GTF2IRD1: variants seen among roughly 807,000 people sequenced by gnomAD.
The protein encoded by GTF2IRD1 is general transcription factor II-I repeat domain-containing protein 1.
GTF2IRD1 carries 26 observed loss-of-function variants against 113.2 expected under a neutral mutation model. The observed-to-expected ratio is 0.23, with a 90% confidence interval of 0.17 to 0.32. GTF2IRD1 has a LOEUF of 0.32. Among genes scored for constraint, GTF2IRD1 ranks in the 10% least tolerant of loss-of-function variants. The pLI is 1.00. For synonymous variants in GTF2IRD1, 484 were observed against 529.1 expected (o/e 0.91, Z 1.17); for missense variants, 864 against 1,280.8 (o/e 0.67, Z 4.97).
chr7:74,471,309 G>T (rs534656788), intron 1 of GTF2IRD1, among the ~76,000 whole-genome samples: 101 of 152,274 alleles, frequency 6.6e-4, no homozygotes, highest in African/African-American at 2.3e-3. Context: ...ACTGAGGCAG[G>T]AGGATCGCTT....
intron 1 of GTF2IRD1, among the ~76,000 whole-genome samples, chr7:74,459,216 T>TAA (rs1554328355): frequency 8.6e-5 from 13 of 152,016 alleles, no homozygotes; most frequent in Admixed American, 6.6e-4. Context: ...ACTTTGCACT[T>TAA]CGGGAGACCG....
intron 1 of GTF2IRD1, among the ~76,000 whole-genome samples, chr7:74,457,301 C>T (rs1210714770): frequency 1.1e-4 from 16 of 152,152 alleles, no homozygotes; most frequent in African/African-American, 3.9e-4. Context: ...ACATCCTTTC[C>T]TTCCTTTGTC....
intron 22 of GTF2IRD1, among the ~76,000 whole-genome samples, chr7:74,568,337 T>TAAAAAAAAAAA (rs782743930): frequency 2.2e-5 from 2 of 91,972 alleles, no homozygotes; most frequent in Non-Finnish European, 3.9e-5. Flanking sequence ...CATCTCTATT[T>TAAAAAAAAAAA]AAAAAAAAAA....
At chr7:74,529,622 A>G in intron 8 of GTF2IRD1, 112 bp from the exon 9 acceptor site, 1 of 773,802 alleles carries the variant, frequency 1.3e-6, no homozygotes, top group Non-Finnish European at 2.1e-6. Flanking sequence ...TGGCCGCTAC[A>G]TGGCCAGAGT....
At chr7:74,536,043 C>T (rs587671971) in intron 10 of GTF2IRD1, 124 bp from the exon 11 acceptor site, 3 of 631,634 alleles carry the variant, frequency 4.7e-6, no homozygotes, top group Non-Finnish European at 5.7e-6. Flanking sequence ...CCCACAAGGA[C>T]AGGCAGAGGC....
At chr7:74,580,905 G>A (rs1353355881) in intron 22 of GTF2IRD1, among the ~76,000 whole-genome samples, 2 of 152,196 alleles carry the variant, frequency 1.3e-5, no homozygotes. Flanking sequence ...ACTCTGAAAT[G>A]TTTGCAACTG....
chr7:74,587,392 C>T (rs778717626), intron 22 of GTF2IRD1, among the ~76,000 whole-genome samples: 109 of 152,022 alleles, frequency 7.2e-4, no homozygotes, highest in Non-Finnish European at 1.4e-3. Flanking sequence ...TGCAGCGAAC[C>T]GAGACCGTGC....
intron 22 of GTF2IRD1, among the ~76,000 whole-genome samples, chr7:74,566,583 C>T (rs1800332152): frequency 6.6e-6 from 1 of 152,194 alleles, no homozygotes; most frequent in Admixed American, 6.5e-5. Flanking sequence ...CTCAGGCGAT[C>T]CACCCGCCTC....
At chr7:74,484,511 C>T (rs1463258961) in intron 1 of GTF2IRD1, among the ~76,000 whole-genome samples, 2 of 146,580 alleles carry the variant, frequency 1.4e-5, no homozygotes, top group African/African-American at 5.1e-5. Context: ...CAGGCTGGAG[C>T]GAAGTGGTGC....
chr7:74,556,127 C>T (rs1276665269), intron 19 of GTF2IRD1, among the ~76,000 whole-genome samples: 2 of 151,820 alleles, frequency 1.3e-5, no homozygotes, highest in Non-Finnish European at 2.9e-5. Flanking sequence ...TGGCGTGCAC[C>T]TGTGATCCCA....
At chr7:74,464,041 A>AGAGTTACCT in intron 1 of GTF2IRD1, among the ~76,000 whole-genome samples, 1 of 152,132 alleles carries the variant, frequency 6.6e-6, no homozygotes, top group African/African-American at 2.4e-5. Flanking sequence ...CACTTTTACC[A>AGAGTTACCT]GAGTTACCTG....
At chr7:74,528,577 G>A (rs954929260) in intron 8 of GTF2IRD1, among the ~76,000 whole-genome samples, 1 of 150,736 alleles carries the variant, frequency 6.6e-6, no homozygotes, top group African/African-American at 2.4e-5. Context: ...AGTGTCAGGT[G>A]ATGACCAGTG....
rs1027801877 is a variant in GTF2IRD1 at position 74,523,579 on chromosome 7, G to A, written c.1007-492G>A. Among the ~76,000 whole-genome samples, 28 of 152,154 alleles carry A rather than the reference G, an allele frequency of 1.8e-4. 1 individual carries two copies. Among genetic ancestry groups the A allele is most frequent in the Non-Finnish European group, 8.8e-5 (6 of 68,030 alleles). On this transcript the variant is annotated intron_variant, in intron 7 of 26. Coordinates refer to ENST00000424337, the MANE Select transcript of GTF2IRD1 (RefSeq NM_005685.4). ...TACTAAAAATACAAAAATAAGCCAG[G>A]TGTGGTGGCAGGTGCCCTGTAATCC... is the stretch of plus-strand genomic sequence containing the variant.
intron 9 of GTF2IRD1, among the ~76,000 whole-genome samples, chr7:74,533,944 G>C (rs115305812): frequency 2.0e-5 from 3 of 151,662 alleles, no homozygotes; most frequent in Non-Finnish European, 2.9e-5. Flanking sequence ...TAGGAGGATC[G>C]CTTGAACCCA....
In GTF2IRD1 at chr7:74,537,207, C is replaced by A. The variant is rs587613299; in HGVS notation, c.1410-929C>A. Among the ~76,000 whole-genome samples, 7 of 152,096 alleles carry A rather than the reference C, an allele frequency of 4.6e-5. No homozygotes were observed. The East Asian group carries it at 1.3e-3, about 29-fold the overall frequency. Reference sequence around the variant, plus strand: ...GGCAGATCACCTGAGGTCAGGAGTTCGAAACCAACCTGGCCAACATGGCAA... The same window carrying A: ...GGCAGATCACCTGAGGTCAGGAGTTAGAAACCAACCTGGCCAACATGGCAA... On this transcript the variant is annotated intron_variant, in intron 11 of 26. Coordinates refer to ENST00000424337, the MANE Select transcript of GTF2IRD1 (RefSeq NM_005685.4).
At chr7:74,581,397 G>A (rs1554366110) in intron 22 of GTF2IRD1, among the ~76,000 whole-genome samples, 1 of 152,214 alleles carries the variant, frequency 6.6e-6, no homozygotes, top group Non-Finnish European at 1.5e-5. Context: ...TTGCAGAGCT[G>A]GGATTTGAAC....
intron 1 of GTF2IRD1, among the ~76,000 whole-genome samples, chr7:74,464,792 C>T (rs1322085261): frequency 6.6e-6 from 1 of 152,158 alleles, no homozygotes; most frequent in Non-Finnish European, 1.5e-5. Context: ...TTTGTGAAAT[C>T]GTTGTGGCCC....
chr7:74,524,255 T>C (rs1273567274), intron 8 of GTF2IRD1, 101 bp downstream of exon 8: 7 of 725,618 alleles, frequency 9.6e-6, no homozygotes, highest in Non-Finnish European at 1.4e-5. Context: ...GCGGGAGCCA[T>C]ATGCTGGCTC....
At chr7:74,462,653 T>C (rs1554329663) in intron 1 of GTF2IRD1, among the ~76,000 whole-genome samples, 1 of 152,096 alleles carries the variant, frequency 6.6e-6, no homozygotes. Flanking sequence ...GGTTCCTCTT[T>C]CTCATTTTCA....
Sources: gnomAD v4.1 joint callset for allele counts (sites outside exome capture counted in the v4.1 genomes callset) on GRCh38, gnomAD v4.1.1 for gene constraint, MANE v1.5 for transcripts, NCBI Gene and HGNC (gene_info 2026-07-23, HGNC 2026-07-21) for gene names.